The following UBIAD1 variants were observed in gnomAD, a reference collection of about 807,000 sequenced individuals.
UBIAD1 encodes ubiA prenyltransferase domain-containing protein 1.
In UBIAD1, 12 loss-of-function variants were observed where a neutral mutation model predicts 20.1. The observed-to-expected ratio is 0.60, with a 90% confidence interval of 0.38 to 0.97. The LOEUF is 0.97. Among genes scored for constraint, UBIAD1 ranks in the 50% least tolerant of loss-of-function variants. UBIAD1 has a pLI of 0.00. For missense variants in UBIAD1, 333 were observed against 419.5 expected (o/e 0.79, Z 1.80); for synonymous variants, 207 against 189.2 (o/e 1.09, Z -0.77).
downstream of UBIAD1, chr1:11,295,344 G>A: frequency 5.5e-6 from 1 of 183,002 alleles, no homozygotes; most frequent in East Asian, 1.4e-4. Flanking sequence ...CTGCCTGAGA[G>A]AGTAAGACTC....
chr1:11,278,676 G>A (rs1375660396), intron 1 of UBIAD1: 1 of 1,432,108 alleles, frequency 7.0e-7, no homozygotes, highest in Non-Finnish European at 9.4e-7. Flanking sequence ...GACATCATTA[G>A]ACGTCTTAGC....
At chr1:11,279,466 C>G (rs375304894) in intron 1 of UBIAD1, 4 of 152,462 alleles carry the variant, frequency 2.6e-5, no homozygotes, top group African/African-American at 9.6e-5. Context: ...CTCCGTCTCC[C>G]AGGCTGGAGT....
intron 1 of UBIAD1, among the ~76,000 whole-genome samples, chr1:11,284,625 G>C (rs1638217716): frequency 6.6e-6 from 1 of 152,060 alleles, no homozygotes; most frequent in African/African-American, 2.4e-5. Flanking sequence ...CCACACGCTT[G>C]GCTAATTTTT....
Position 11,286,365 on chromosome 1 carries a change from C to T in UBIAD1, c.*234C>T, listed in dbSNP as rs1057311020. Reference sequence around the variant, plus strand: ...TTCTTGTATCAGAAGGTGAATTAGGCGCATGGTCTTTGTTTTATTAATAAT... The same window carrying T: ...TTCTTGTATCAGAAGGTGAATTAGGTGCATGGTCTTTGTTTTATTAATAAT... On this transcript the variant is annotated 3_prime_UTR_variant, in exon 2 of 2. Coordinates refer to ENST00000376810, the MANE Select transcript of UBIAD1 (RefSeq NM_013319.3). 1.0e-4 allele frequency: 60 copies of T among 584,946 alleles called. No individual in the cohort carries two copies. Among genetic ancestry groups the T allele is most frequent in the Non-Finnish European group, 1.6e-4 (54 of 337,672 alleles). The allele number at this position is 584,946 out of a possible 1,614,324, so 36.2% of individuals were successfully genotyped here.
chr1:11,283,667 C>G (rs1557518992), intron 1 of UBIAD1, among the ~76,000 whole-genome samples: 1 of 151,960 alleles, frequency 6.6e-6, no homozygotes, highest in Admixed American at 6.6e-5. Flanking sequence ...TATTTAGCAC[C>G]AAGGGACCCC....
chr1:11,295,168 G>A, downstream of UBIAD1: 2 of 495,378 alleles, frequency 4.0e-6, no homozygotes, highest in South Asian at 5.2e-5. Context: ...AGAACATCAA[G>A]GTAGAGATGG....
chr1:11,286,086 C>A lies in UBIAD1; in HGVS notation c.972C>A (p.Val324=), dbSNP rs199937430. The A allele has an allele frequency of 4.3e-6, 7 of 1,614,184 alleles. No homozygotes were observed. Among genetic ancestry groups the A allele is most frequent in the Non-Finnish European group, 5.9e-6 (7 of 1,180,044 alleles). ...ACCTCCTGCTGGGACTTTTCTATGT[C>A]TTTGGCATCATTCTGGCACCAGCAG... The part of the protein sequence containing the change: ...KLNLLLGLFY[V]FGIILAPAGS... Residue 324 remains valine (V), a synonymous_variant, in exon 2 of 2, where the codon GTC becomes GTA. Transcript: ENST00000376810.
intron 1 of UBIAD1, among the ~76,000 whole-genome samples, chr1:11,282,894 C>T (rs532005613): frequency 4.0e-5 from 6 of 148,670 alleles, no homozygotes; most frequent in Admixed American, 1.4e-4. Flanking sequence ...GAGTTTTGCT[C>T]TTGTTGCCCA....
In UBIAD1 at chr1:11,285,562, G is replaced by A; in HGVS notation, c.530-82G>A. On this transcript the variant is annotated intron_variant, in intron 1 of 1. Coordinates refer to ENST00000376810, the MANE Select transcript of UBIAD1 (RefSeq NM_013319.3). This position sits in a 1 kb window ranked among gnomAD's most constrained non-coding sequence, Gnocchi z 4.4. ...AAGGATTTACCATTTTCAGCCGGAA[G>A]TGGCCTGCCTCTTCACTGGTGAACA... is the stretch of plus-strand genomic sequence containing the variant. The A allele has an allele frequency of 6.2e-7, 1 of 1,604,542 alleles. No homozygotes were observed. Among genetic ancestry groups the A allele is most frequent in the Non-Finnish European group, 8.5e-7 (1 of 1,176,062 alleles).
intron 1 of UBIAD1, among the ~76,000 whole-genome samples, chr1:11,283,876 A>C (rs1248044052): frequency 6.6e-6 from 1 of 152,178 alleles, no homozygotes; most frequent in Non-Finnish European, 1.5e-5. Flanking sequence ...CTTCTGTAGC[A>C]ATAATTGCAT....
chr1:11,278,839 TC>T, intron 1 of UBIAD1: 1 of 462,442 alleles, frequency 2.2e-6, no homozygotes, highest in South Asian at 4.6e-5. Flanking sequence ...GGTATTTGGG[TC>T]CACTTTCTAT....
At chr1:11,295,927 T>G (rs1638440144), downstream of UBIAD1, 1 of 152,090 alleles carries the variant, frequency 6.6e-6, no homozygotes, top group African/African-American at 2.4e-5. Flanking sequence ...TCCCTAGAGA[T>G]CCTTAAAGCC....
downstream of UBIAD1, among the ~76,000 whole-genome samples, chr1:11,293,174 C>A (rs1557523426): frequency 6.6e-6 from 1 of 152,072 alleles, no homozygotes; most frequent in African/African-American, 2.4e-5. Context: ...TGGGGTATCA[C>A]AAGTTGGTCT....
chr1:11,279,839 T>G (rs528691129), intron 1 of UBIAD1, among the ~76,000 whole-genome samples: 3 of 152,298 alleles, frequency 2.0e-5, no homozygotes, highest in African/African-American at 7.2e-5. Flanking sequence ...GATAAAGTTG[T>G]AGGACTGGGT....
intron 1 of UBIAD1, among the ~76,000 whole-genome samples, chr1:11,284,061 A>T (rs988357247): frequency 6.6e-6 from 1 of 152,194 alleles, no homozygotes; most frequent in Non-Finnish European, 1.5e-5. Context: ...ACCAAGCCAG[A>T]CACATGTCCT....
In UBIAD1 at chr1:11,286,867, G is replaced by A. The variant is rs1638271430; in HGVS notation, c.*736G>A. The A allele has an allele frequency of 6.5e-6, 1 of 152,986 alleles. No homozygotes were observed. Among genetic ancestry groups the A allele is most frequent in the Non-Finnish European group, 1.5e-5 (1 of 68,648 alleles). The allele number at this position is 152,986 out of a possible 1,614,324, so 9.5% of individuals were successfully genotyped here. A position where few individuals can be genotyped will look rare whatever the true frequency, so the allele number is the denominator to read the frequency against. On this transcript the variant is annotated 3_prime_UTR_variant, in exon 2 of 2. Transcript: ENST00000376810. ...CTGCTTTTGGATAGGAATCAGTAGGGTGGCTGTTTTCCCTTTGTTGAATCT... is the reference window on the plus strand; with the variant it reads ...CTGCTTTTGGATAGGAATCAGTAGGATGGCTGTTTTCCCTTTGTTGAATCT...
At chr1:11,277,480 C>T (rs1652085988) in intron 1 of UBIAD1, among the ~76,000 whole-genome samples, 1 of 151,868 alleles carries the variant, frequency 6.6e-6, no homozygotes, top group Admixed American at 6.6e-5. Context: ...CCATGTTGGC[C>T]AGGCTGGTCT....
intron 1 of UBIAD1, among the ~76,000 whole-genome samples, chr1:11,280,606 C>T (rs968913071): frequency 6.6e-6 from 1 of 152,202 alleles, no homozygotes; most frequent in Non-Finnish European, 1.5e-5. Flanking sequence ...CCATTTTGCT[C>T]AATGGCAGCT....
At chr1:11,275,236 C>T (rs926456526) in intron 1 of UBIAD1, among the ~76,000 whole-genome samples, 1 of 152,134 alleles carries the variant, frequency 6.6e-6, no homozygotes, top group Non-Finnish European at 1.5e-5. Context: ...TGACCAATAT[C>T]CTGGTTTGCT....
Sources: allele counts gnomAD v4.1 joint callset (sites outside exome capture counted in the v4.1 genomes callset), GRCh38; gene constraint gnomAD v4.1.1; non-coding constraint Gnocchi (gnomAD v3.1); transcripts MANE v1.5; gene names NCBI Gene and HGNC (gene_info 2026-07-23, HGNC 2026-07-21).